SLC2A14: variants seen among roughly 807,000 people sequenced by gnomAD.
SLC2A14 encodes solute carrier family 2, facilitated glucose transporter member 14.
In SLC2A14, 13 loss-of-function variants were observed where a neutral mutation model predicts 43.0. The ratio of observed to expected loss-of-function variants is 0.30; its 90% CI spans 0.20 to 0.48. SLC2A14 has a LOEUF of 0.48. Among genes scored for constraint, SLC2A14 ranks in the 20% least tolerant of loss-of-function variants. SLC2A14 has a pLI of 0.99. For missense variants in SLC2A14, 428 were observed against 620.4 expected, an observed-to-expected ratio of 0.69 and a Z score of 3.29; for synonymous variants, 190 against 233.8, an observed-to-expected ratio of 0.81 and a Z score of 1.71.
chr12:7,849,412 G>GA (rs1252961266), intron 2 of SLC2A14, among the ~76,000 whole-genome samples: 4 of 151,956 alleles, frequency 2.6e-5, no homozygotes, highest in African/African-American at 4.8e-5. Context: ...GCTGAAGTGG[G>GA]AGGATCATTC....
intron 2 of SLC2A14, among the ~76,000 whole-genome samples, chr12:7,853,835 A>G (rs1166316544): frequency 2.4e-4 from 37 of 152,154 alleles, no homozygotes; most frequent in Non-Finnish European, 2.9e-5. Context: ...AGAAAATAAA[A>G]GATGGAGAAT....
At chr12:7,871,080 C>G (rs762033046) in intron 1 of SLC2A14, 1 of 1,383,916 alleles carries the variant, frequency 7.2e-7, no homozygotes, top group Admixed American at 2.1e-5. Context: ...GCATGATGAG[C>G]GAGGCCCCAG....
At chr12:7,848,925 G>A (rs188213987) in intron 2 of SLC2A14, among the ~76,000 whole-genome samples, 1 of 150,594 alleles carries the variant, frequency 6.6e-6, no homozygotes, top group East Asian at 2.0e-4. Context: ...GGTGCGATCT[G>A]GGCTCACTGG....
intron 2 of SLC2A14, among the ~76,000 whole-genome samples, chr12:7,866,898 T>A (rs903308215): frequency 1.3e-5 from 2 of 151,418 alleles, no homozygotes; most frequent in Non-Finnish European, 2.9e-5. Context: ...TCAGTGTAGA[T>A]GAAAAAGCCT....
chr12:7,875,930 C>T (rs944594245), upstream of SLC2A14, among the ~76,000 whole-genome samples: 3 of 151,670 alleles, frequency 2.0e-5, no homozygotes, highest in South Asian at 2.1e-4. Flanking sequence ...GAGCTGAGAT[C>T]GTGCCACTAC....
chr12:7,845,757 CG>C (rs1866413393), intron 2 of SLC2A14, among the ~76,000 whole-genome samples: 1 of 109,160 alleles, frequency 9.2e-6, no homozygotes, highest in African/African-American at 3.6e-5. Flanking sequence ...CCAGCCTGGG[CG>C]ACACAGCGAG....
At chr12:7,842,362 A>G (rs1381185793) in intron 2 of SLC2A14, among the ~76,000 whole-genome samples, 3 of 152,200 alleles carry the variant, frequency 2.0e-5, no homozygotes, top group Non-Finnish European at 4.4e-5. Flanking sequence ...ATGTAGATGC[A>G]TGATTTCAAC....
chr12:7,878,046 G>GTTTTTTA (rs1945493634), upstream of SLC2A14, among the ~76,000 whole-genome samples: 11 of 150,434 alleles, frequency 7.3e-5, no homozygotes, highest in South Asian at 2.3e-3. Flanking sequence ...CGGCCTTATT[G>GTTTTTTA]TTTTTTATTT....
At chr12:7,832,938 C>T in intron 2 of SLC2A14, 124 bp from the exon 3 acceptor site, 1 of 841,894 alleles carries the variant, frequency 1.2e-6, no homozygotes, top group Non-Finnish European at 1.9e-6. Flanking sequence ...AAAGGACAAA[C>T]ATCAAACGAG....
At chr12:7,861,015 C>T (rs1275438920) in intron 2 of SLC2A14, among the ~76,000 whole-genome samples, 1 of 152,104 alleles carries the variant, frequency 6.6e-6, no homozygotes, top group Non-Finnish European at 1.5e-5. Flanking sequence ...TGGTCTCAAA[C>T]TCCAGACCAC....
upstream of SLC2A14, among the ~76,000 whole-genome samples, chr12:7,875,095 T>TAG (rs1173460995): frequency 7.9e-3 from 667 of 84,418 alleles, 17 homozygotes; most frequent in African/African-American, 0.029. Context: ...TCTATTTAAA[T>TAG]TTAAATATTT....
chr12:7,851,718 T>G (rs981463907), intron 2 of SLC2A14, among the ~76,000 whole-genome samples: 1 of 152,204 alleles, frequency 6.6e-6, no homozygotes, highest in African/African-American at 2.4e-5. Flanking sequence ...TATCTGGGTA[T>G]GGCTGAGAAA....
chr12:7,830,981 G>A lies in SLC2A14; in HGVS notation c.272+623C>T, dbSNP rs188601547. On this transcript the variant is annotated intron_variant, in intron 4 of 10. Transcript: ENST00000431042. Reference sequence around the variant, plus strand: ...TCTACTAAAAATACAAAAATTAGCCGAGCGTGGTGGCGGGCACCTGTAATC... The same window carrying A: ...TCTACTAAAAATACAAAAATTAGCCAAGCGTGGTGGCGGGCACCTGTAATC... Among the ~76,000 whole-genome samples, 443 of 151,916 alleles carry A rather than the reference G, an allele frequency of 2.9e-3. 4 individuals are homozygous for A. Among genetic ancestry groups the A allele is most frequent in the African/African-American group, 0.01 (423 of 41,496 alleles).
At chr12:7,837,924 ATTG>A (rs1361282920) in intron 2 of SLC2A14, among the ~76,000 whole-genome samples, 1 of 151,684 alleles carries the variant, frequency 6.6e-6, no homozygotes, top group Non-Finnish European at 1.5e-5. Context: ...CGCCTGGTTA[ATTG>A]TTGTGTTTTT....
chr12:7,823,645 G>A (rs192630176), intron 7 of SLC2A14, among the ~76,000 whole-genome samples: 5 of 152,128 alleles, frequency 3.3e-5, no homozygotes, highest in Admixed American at 2.6e-4. Context: ...AATTGAACCC[G>A]GGAGGTGGAG....
At position 7,869,393 on chromosome 12, in the gene SLC2A14, C is replaced by A. The variant is rs755084568; in HGVS notation, c.18+470G>T. 2.4e-4 allele frequency among the ~76,000 whole-genome samples: 37 copies of A among 152,156 alleles called. 1 individual carries two copies. The highest frequency in any genetic ancestry group is 4.0e-4 in the Non-Finnish European group (27 of 68,018). ...CCAAAGGCTCATATGTTGCTGAATA[C>A]ATTTTCTTGATCTTTATCACAGTAT... On this transcript the variant is annotated intron_variant, in intron 2 of 10. Transcript: ENST00000431042.
At position 7,826,850 on chromosome 12, in the gene SLC2A14, CTTCCTTTCTTT is replaced by C. The variant is rs1565507236; in HGVS notation, c.864+634_864+644del. On this transcript the variant is annotated intron_variant, in intron 7 of 10. Transcript: ENST00000431042. The stretch of plus-strand genomic sequence containing the variant: ...CTTTCTTTCTTTCCTTCCTTCCTTC[CTTCCTTTCTTT>C]TTTCTTTCTTTCTTTCTTTCTTTCT... 5.1e-3 allele frequency among the ~76,000 whole-genome samples: 52 copies of C among 10,098 alleles called. 3 individuals are homozygous for C. Among genetic ancestry groups the C allele is most frequent in the African/African-American group, 9.2e-3 (50 of 5,428 alleles). 6.6% of individuals were successfully genotyped at this position (10,098 alleles called of 152,430 possible). A position where few individuals can be genotyped will look rare whatever the true frequency, so the allele number is the denominator to read the frequency against.
At chr12:7,825,778 A>AAAAG (rs1297424817) in intron 7 of SLC2A14, among the ~76,000 whole-genome samples, 40 of 131,158 alleles carry the variant, frequency 3.0e-4, no homozygotes, top group Admixed American at 1.1e-3. Context: ...AAAAAAAAAA[A>AAAAG]AAAGAAAGAA....
At chr12:7,842,991 G>T (rs984398255) in intron 2 of SLC2A14, among the ~76,000 whole-genome samples, 3 of 152,066 alleles carry the variant, frequency 2.0e-5, no homozygotes, top group Admixed American at 6.6e-5. Flanking sequence ...GCCTCCCAAA[G>T]TGCTGGGATT....
Sources: allele counts gnomAD v4.1 joint callset (sites outside exome capture counted in the v4.1 genomes callset), GRCh38; gene constraint gnomAD v4.1.1; transcripts MANE v1.5; gene names NCBI Gene and HGNC (gene_info 2026-07-23, HGNC 2026-07-21).